The following KCNK13 variants were observed in gnomAD, a reference collection of about 807,000 sequenced individuals.
KCNK13 encodes potassium channel subfamily K member 13.
KCNK13 carries 12 observed loss-of-function variants against 23.4 expected under a neutral mutation model. That is an observed-to-expected ratio of 0.51 (90% confidence interval 0.33 to 0.83). The LOEUF is 0.83. KCNK13 is among the 40% of genes least tolerant of loss of function. KCNK13 has a pLI of 0.02. For missense variants in KCNK13, 463 were observed against 556.3 expected (o/e 0.83, Z 1.69); for synonymous variants, 231 against 229.5 (o/e 1.01, Z -0.06).
At position 90,093,557 on chromosome 14, in the gene KCNK13, C is replaced by A. The variant is rs566544683; in HGVS notation, c.334+31018C>A. Among the ~76,000 whole-genome samples, 90 of 152,250 alleles carry A rather than the reference C, an allele frequency of 5.9e-4. 1 individual carries two copies. Among genetic ancestry groups the A allele is most frequent in the African/African-American group, 2.1e-3 (87 of 41,546 alleles). On this transcript the variant is annotated intron_variant, in intron 1 of 1. Coordinates refer to ENST00000282146, the MANE Select transcript of KCNK13 (RefSeq NM_022054.4). ...GCTTTTGATGCTGTATTCCGAGGCACCCCTGGTCCTCCCCAGCGTGCCCAG... is the reference window on the plus strand; with the variant it reads ...GCTTTTGATGCTGTATTCCGAGGCAACCCTGGTCCTCCCCAGCGTGCCCAG...
intron 1 of KCNK13, among the ~76,000 whole-genome samples, chr14:90,078,611 G>C (rs1889170413): frequency 6.6e-6 from 1 of 151,946 alleles, no homozygotes; most frequent in South Asian, 2.1e-4. Context: ...AAGAAAGAGA[G>C]GGAGGGAAGG....
intron 1 of KCNK13, among the ~76,000 whole-genome samples, chr14:90,131,355 C>A (rs1214863468): frequency 6.6e-6 from 1 of 151,982 alleles, no homozygotes; most frequent in East Asian, 1.9e-4. Flanking sequence ...CCTCAGCCTC[C>A]CGAGTAACTG....
chr14:90,174,101 T>C (rs1890395553), intron 1 of KCNK13, among the ~76,000 whole-genome samples: 1 of 152,136 alleles, frequency 6.6e-6, no homozygotes, highest in Non-Finnish European at 1.5e-5. Context: ...GGTCAGGAGA[T>C]GCAGACCATC....
At chr14:90,140,345 T>G (rs1050056614) in intron 1 of KCNK13, among the ~76,000 whole-genome samples, 1 of 152,146 alleles carries the variant, frequency 6.6e-6, no homozygotes, top group Non-Finnish European at 1.5e-5. Flanking sequence ...CTACCACGCA[T>G]CAAAAACATT....
At chr14:90,147,297 G>A (rs1346001275) in intron 1 of KCNK13, among the ~76,000 whole-genome samples, 2 of 152,086 alleles carry the variant, frequency 1.3e-5, no homozygotes, top group African/African-American at 4.8e-5. Context: ...CTGTCACCCA[G>A]GCTGGAATGC....
In KCNK13 at chr14:90,062,073, G is replaced by A. The variant is rs1888947102; in HGVS notation, c.-133G>A. 1.1e-5 allele frequency: 6 copies of A among 522,668 alleles called. No individual in the cohort carries two copies. The highest frequency in any genetic ancestry group is 6.0e-5 in the African/African-American group (3 of 50,290). The allele number at this position is 522,668 out of a possible 1,614,324, so 32.4% of individuals were successfully genotyped here. A position where few individuals can be genotyped will look rare whatever the true frequency, so the allele number is the denominator to read the frequency against. On this transcript the variant is annotated 5_prime_UTR_variant, in exon 1 of 2. Transcript: ENST00000282146. This position sits in a 1 kb window ranked among gnomAD's most constrained non-coding sequence, Gnocchi z 4.5. Reference sequence around the variant, plus strand: ...CTCGCGGCCTGCGGGAGAGCCCGGCGGTCATGGGCGAGCCGGCGGTGGGGC... The same window carrying A: ...CTCGCGGCCTGCGGGAGAGCCCGGCAGTCATGGGCGAGCCGGCGGTGGGGC...
intron 1 of KCNK13, among the ~76,000 whole-genome samples, chr14:90,128,685 C>G (rs1308128635): frequency 2.6e-5 from 4 of 152,170 alleles, no homozygotes; most frequent in Admixed American, 1.3e-4. Context: ...AAGCTGGCTC[C>G]ACTCGAGAAT....
intron 1 of KCNK13, among the ~76,000 whole-genome samples, chr14:90,087,686 G>A (rs1408703715): frequency 6.6e-6 from 1 of 152,214 alleles, no homozygotes; most frequent in African/African-American, 2.4e-5. Flanking sequence ...ATGTTGCCAG[G>A]TGCTGAGGGT....
At chr14:90,122,008 C>T (rs1474393564) in intron 1 of KCNK13, among the ~76,000 whole-genome samples, 2 of 152,118 alleles carry the variant, frequency 1.3e-5, no homozygotes, top group Non-Finnish European at 1.5e-5. Context: ...GTGTGAGCCA[C>T]CATGCCCAGC....
At chr14:90,064,258 A>G (rs1888981724) in intron 1 of KCNK13, among the ~76,000 whole-genome samples, 1 of 152,040 alleles carries the variant, frequency 6.6e-6, no homozygotes, top group African/African-American at 2.4e-5. Context: ...TTTAGATTGA[A>G]TGGTAACTTA....
At chr14:90,116,944 C>T (rs1889684092) in intron 1 of KCNK13, among the ~76,000 whole-genome samples, 1 of 152,258 alleles carries the variant, frequency 6.6e-6, no homozygotes, top group South Asian at 2.1e-4. Context: ...TGGTTCAAGC[C>T]TCAGATACTA....
chr14:90,065,481 G>A (rs1225911801), intron 1 of KCNK13, among the ~76,000 whole-genome samples: 1 of 152,192 alleles, frequency 6.6e-6, no homozygotes, highest in Non-Finnish European at 1.5e-5. Flanking sequence ...GTCGGTGCAA[G>A]GGAAAGTGAA....
chr14:90,185,186 G>T lies in KCNK13; in HGVS notation c.*183G>T. 3.8e-6 allele frequency: 2 copies of T among 530,352 alleles called. No homozygotes were observed. 32.9% of individuals were successfully genotyped at this position (530,352 alleles called of 1,614,324 possible). ...AACAGCCACCTTCCAGGGATGGGGG[G>T]CCTGAAGCCTCGATGCTTGTCTCCT... On this transcript the variant is annotated 3_prime_UTR_variant, in exon 2 of 2. Transcript: ENST00000282146.
chr14:90,141,052 T>G (rs1426339401), intron 1 of KCNK13, among the ~76,000 whole-genome samples: 2 of 152,112 alleles, frequency 1.3e-5, no homozygotes. Context: ...CCCCTGGAAA[T>G]GGGGGTTCTC....
chr14:90,169,779 G>T (rs1286659291), intron 1 of KCNK13, among the ~76,000 whole-genome samples: 1 of 151,884 alleles, frequency 6.6e-6, no homozygotes, highest in East Asian at 1.9e-4. Context: ...TTTCTTTAAG[G>T]GACTCTCATC....
chr14:90,083,656 G>A (rs373593626), intron 1 of KCNK13, among the ~76,000 whole-genome samples: 2 of 152,350 alleles, frequency 1.3e-5, no homozygotes, highest in South Asian at 4.1e-4. Context: ...TTTCCACGAT[G>A]TGATGTATTC....
At chr14:90,119,696 T>C (rs775400862) in intron 1 of KCNK13, among the ~76,000 whole-genome samples, 1 of 152,050 alleles carries the variant, frequency 6.6e-6, no homozygotes, top group South Asian at 2.1e-4. Context: ...GCCTCCCAGG[T>C]TCAAGCAATT....
At position 90,095,284 on chromosome 14, in the gene KCNK13, CAG is replaced by C. The variant is rs1257352572; in HGVS notation, c.334+32746_334+32747del. Among the ~76,000 whole-genome samples, 3 of 152,228 alleles carry C rather than the reference CAG, an allele frequency of 2.0e-5. No individual in the cohort carries two copies. In the East Asian group the frequency reaches 5.8e-4, roughly 29 times the overall value. On this transcript the variant is annotated intron_variant, in intron 1 of 1. Transcript: ENST00000282146. ...GCTGAGATCAAGTGGCTCTTTCTAA[CAG>C]GGGTGCATGGTACAATCTCCTAGGA...
At chr14:90,182,992 C>T (rs374630586) in intron 1 of KCNK13, among the ~76,000 whole-genome samples, 112 of 152,268 alleles carry the variant, frequency 7.4e-4, no homozygotes, top group African/African-American at 2.7e-3. Flanking sequence ...GAATCATTTG[C>T]TTGGAAAGAA....
Sources: allele counts gnomAD v4.1 joint callset (sites outside exome capture counted in the v4.1 genomes callset), GRCh38; gene constraint gnomAD v4.1.1; non-coding constraint Gnocchi (gnomAD v3.1); transcripts MANE v1.5; gene names NCBI Gene and HGNC (gene_info 2026-07-23, HGNC 2026-07-21).